The following CCDC178 variants were observed in gnomAD, a reference collection of about 807,000 sequenced individuals.
CCDC178 encodes coiled-coil domain containing 178.
A neutral mutation model predicts 117.4 loss-of-function variants in CCDC178; 126 were observed. The observed-to-expected ratio is 1.07, with a 90% CI of 0.93 to 1.24. CCDC178 has a LOEUF of 1.24. Among genes scored for constraint, CCDC178 ranks in the 50% most tolerant of loss-of-function variants. CCDC178 has a pLI of 0.00. For synonymous variants in CCDC178, 283 were observed against 313.4 expected, an observed-to-expected ratio of 0.90 and a Z score of 1.02; for missense variants, 1,030 against 986.9, an observed-to-expected ratio of 1.04 and a Z score of -0.59.
At chr18:33,240,235 C>T (rs926667152) in intron 15 of CCDC178, among the ~76,000 whole-genome samples, 1 of 151,578 alleles carries the variant, frequency 6.6e-6, no homozygotes, top group Non-Finnish European at 1.5e-5. Flanking sequence ...ACAGCAAAAG[C>T]AGTTTTAACA....
chr18:33,237,126 T>G (rs2059434187), intron 15 of CCDC178, among the ~76,000 whole-genome samples: 1 of 152,146 alleles, frequency 6.6e-6, no homozygotes, highest in Admixed American at 6.5e-5. Flanking sequence ...GAGTGTACCC[T>G]TCTCTGGAGG....
chr18:33,436,666 G>T (rs998742483), intron 2 of CCDC178, among the ~76,000 whole-genome samples: 19 of 152,204 alleles, frequency 1.2e-4, no homozygotes, highest in Admixed American at 4.6e-4. Flanking sequence ...AGAGCAAGAT[G>T]TATCAGCCTG....
At chr18:33,372,557 A>T (rs1040263408) in intron 5 of CCDC178, among the ~76,000 whole-genome samples, 1 of 152,110 alleles carries the variant, frequency 6.6e-6, no homozygotes, top group African/African-American at 2.4e-5. Context: ...TTAAGAATTA[A>T]GCTCGGCGAG....
chr18:33,282,731 T>C (rs66481582), intron 12 of CCDC178, among the ~76,000 whole-genome samples: 10,462 of 152,192 alleles, frequency 0.069, 560 homozygotes, highest in African/African-American at 0.14. Context: ...TTACTTGCCC[T>C]GCCAGCACAT....
chr18:33,126,233 C>T lies in CCDC178; in HGVS notation c.2239-33323G>A, dbSNP rs181661706. Among the ~76,000 whole-genome samples, 523 of 150,438 alleles carry T rather than the reference C, an allele frequency of 3.5e-3. 3 individuals carry two copies. The highest frequency in any genetic ancestry group is 5.4e-3 in the Non-Finnish European group (369 of 67,752). On this transcript the variant is annotated intron_variant, in intron 20 of 22. Transcript: ENST00000383096. ...CAGGAAATCAGAATATTTATATATA[C>T]GTATATATATAGTATGTAGAATATG...
chr18:33,146,568 T>C (rs985501336), intron 20 of CCDC178, among the ~76,000 whole-genome samples: 8 of 152,122 alleles, frequency 5.3e-5, no homozygotes, highest in Non-Finnish European at 1.0e-4. Flanking sequence ...AGAGGATCAC[T>C]TGAACCCAGA....
chr18:33,311,637 C>A (rs1447118652), intron 11 of CCDC178, among the ~76,000 whole-genome samples: 1 of 152,194 alleles, frequency 6.6e-6, no homozygotes, highest in African/African-American at 2.4e-5. Flanking sequence ...TGGGAAAAGG[C>A]CTGTCCCCTC....
At chr18:33,343,594 C>A (rs921588883) in intron 9 of CCDC178, among the ~76,000 whole-genome samples, 2 of 152,018 alleles carry the variant, frequency 1.3e-5, no homozygotes, top group African/African-American at 2.4e-5. Context: ...TTGAGCCCAA[C>A]AGGAAGACAG....
At chr18:33,252,204 G>A (rs2059625595) in intron 14 of CCDC178, among the ~76,000 whole-genome samples, 1 of 151,714 alleles carries the variant, frequency 6.6e-6, no homozygotes. Context: ...GGTGGTTGGT[G>A]TAGGACGGAA....
intron 14 of CCDC178, among the ~76,000 whole-genome samples, chr18:33,253,170 A>G (rs2059636610): frequency 6.6e-6 from 1 of 151,824 alleles, no homozygotes; most frequent in South Asian, 2.1e-4. Context: ...AAACAATCAT[A>G]TCATCATCGT....
At chr18:33,403,612 G>A (rs942317665) in intron 3 of CCDC178, among the ~76,000 whole-genome samples, 4 of 152,086 alleles carry the variant, frequency 2.6e-5, no homozygotes, top group African/African-American at 9.7e-5. Context: ...GTCAGCATTC[G>A]GTTTCTCTTA....
rs1435445828 is a variant in CCDC178, at chr18:33,389,530, C to T, written c.208+10G>A. ...TATAGTTTACTATATGATTTACATT[C>T]AGTCCTCACCTTCAGTATTTGTCAT... On this transcript the variant is annotated intron_variant, in intron 5 of 22. Coordinates refer to ENST00000383096, the MANE Select transcript of CCDC178 (RefSeq NM_001105528.4). 1.5e-6 allele frequency: 2 copies of T among 1,373,896 alleles called. No individual in the cohort carries two copies. Among genetic ancestry groups the T allele is most frequent in the Non-Finnish European group, 2.0e-6 (2 of 1,020,118 alleles). The allele number at this position is 1,373,896 out of a possible 1,614,324, so 85.1% of individuals were successfully genotyped here. A position where few individuals can be genotyped will look rare whatever the true frequency, so the allele number is the denominator to read the frequency against.
chr18:33,361,671 A>C (rs1246924480), intron 6 of CCDC178, among the ~76,000 whole-genome samples: 1 of 151,892 alleles, frequency 6.6e-6, no homozygotes, highest in Non-Finnish European at 1.5e-5. Context: ...TCTTCAAAAA[A>C]TATATAAATG....
At chr18:33,098,851 G>A (rs2057582540) in intron 20 of CCDC178, among the ~76,000 whole-genome samples, 1 of 151,982 alleles carries the variant, frequency 6.6e-6, no homozygotes, top group African/African-American at 2.4e-5. Flanking sequence ...TATAATTCCT[G>A]TTCGCCAAGG....
chr18:33,389,134 TG>T (rs1206663960), intron 5 of CCDC178, among the ~76,000 whole-genome samples: 1 of 152,066 alleles, frequency 6.6e-6, no homozygotes, highest in East Asian at 1.9e-4. Context: ...ACATGTACCC[TG>T]GAACTTAAAA....
chr18:32,978,153 A>T (rs186350890), intron 21 of CCDC178, among the ~76,000 whole-genome samples: 8 of 151,766 alleles, frequency 5.3e-5, no homozygotes, highest in Admixed American at 5.2e-4. Flanking sequence ...AGCCTCTTAA[A>T]CAGAGAAGTT....
intron 21 of CCDC178, among the ~76,000 whole-genome samples, chr18:33,019,412 CTT>C (rs2056065633): frequency 6.6e-6 from 1 of 152,156 alleles, no homozygotes; most frequent in Admixed American, 6.5e-5. Flanking sequence ...ACAGCTTACT[CTT>C]TTCTTATCCT....
At chr18:33,073,504 CATCTATCTATCTATCT>C (rs11468119) in intron 21 of CCDC178, among the ~76,000 whole-genome samples, 121 of 142,110 alleles carry the variant, frequency 8.5e-4, no homozygotes, top group African/African-American at 1.1e-3. Flanking sequence ...CTATAGTCAG[CATCTATCTATCTATCT>C]ATCTATCTAT....
intron 9 of CCDC178, among the ~76,000 whole-genome samples, chr18:33,344,818 C>T (rs1294429608): frequency 6.8e-6 from 1 of 146,510 alleles, no homozygotes; most frequent in Non-Finnish European, 1.5e-5. Flanking sequence ...CACACACACA[C>T]ACACACACAC....
Sources: allele counts gnomAD v4.1 joint callset (sites outside exome capture counted in the v4.1 genomes callset), GRCh38; gene constraint gnomAD v4.1.1; transcripts MANE v1.5; gene names NCBI Gene and HGNC (gene_info 2026-07-23, HGNC 2026-07-21).